The following POTEC variants were observed in gnomAD, a reference collection of about 807,000 sequenced individuals.
POTEC encodes the protein ANKRD26-like family B member 2.
In POTEC, 35 loss-of-function variants were observed where a neutral mutation model predicts 62.0. That is an observed-to-expected ratio of 0.56 (90% CI 0.43 to 0.75). The LOEUF is 0.75. POTEC is among the 30% of genes least tolerant of loss of function. POTEC has a pLI of 0.00. For synonymous variants in POTEC, 156 were observed against 221.5 expected (o/e 0.70, Z 2.62); for missense variants, 472 against 655.9 (o/e 0.72, Z 3.06).
intron 7 of POTEC, among the ~76,000 whole-genome samples, chr18:14,524,068 T>G (rs1397935722): frequency 1.3e-5 from 2 of 152,182 alleles, no homozygotes; most frequent in African/African-American, 4.8e-5. Context: ...TAATTGAAAT[T>G]ATATGCTGTA....
At chr18:14,514,472 T>A (rs922745625) in intron 9 of POTEC, among the ~76,000 whole-genome samples, 10 of 152,258 alleles carry the variant, frequency 6.6e-5, no homozygotes, top group African/African-American at 2.4e-4. Context: ...AAACTTTTTA[T>A]GTTTATTTTT....
Position 14,507,543 on chromosome 18 carries a change from T to C in POTEC, c.*4355A>G, listed in dbSNP as rs889905174. Reference sequence around the variant, plus strand: ...TTGGTTCTTTATCCAGCTTGCCCCCTGTGTCTTTCAATTGGAGCATTTAGC... The same window carrying C: ...TTGGTTCTTTATCCAGCTTGCCCCCCGTGTCTTTCAATTGGAGCATTTAGC... On this transcript the variant is annotated 3_prime_UTR_variant, in exon 11 of 11. Transcript: ENST00000358970. 6.9e-6 allele frequency: 1 copy of C among 145,824 alleles called. No homozygotes were observed. The highest frequency in any genetic ancestry group is 1.5e-5 in the Non-Finnish European group (1 of 67,994). 9.0% of individuals were successfully genotyped at this position (145,824 alleles called of 1,614,324 possible).
rs761030204 is a variant in POTEC, at chr18:14,511,933, C to T, written c.1594G>A (p.Glu532Lys). ...LLRENSMLQE[E>K]IAMLISGDWN ...TCTCCAGAAATTAGCATGGCAATTT[C>T]TTCCTGCAACATGCTGTTTTCACGC... Residue 532 changes from glutamate (E) to lysine (K), a missense_variant, in exon 11 of 11, where the codon GAA (glutamate) becomes AAA (lysine). Physicochemically the swap from Glu to Lys is moderately conservative, Grantham distance 56. Around this residue, in one of 5 missense-constraint regions of POTEC, gnomAD observed 67 missense variants for 58.3 expected, o/e 1.15. Transcript: ENST00000358970. 6.2e-7 allele frequency: 1 copy of T among 1,613,836 alleles called. No homozygotes were observed. Among genetic ancestry groups the T allele is most frequent in the Non-Finnish European group, 8.5e-7 (1 of 1,179,818 alleles).
In POTEC at chr18:14,517,677, C is replaced by T. The variant is rs868701550; in HGVS notation, c.1410-3892G>A. ...CAGAGTTCGAGACCAGCCTGACCAA[C>T]GGGGTGAAACCCCATCTTTATTAAA... is the stretch of plus-strand genomic sequence containing the variant. On this transcript the variant is annotated intron_variant, in intron 9 of 10. Coordinates refer to ENST00000358970, the MANE Select transcript of POTEC (RefSeq NM_001137671.2). Among the ~76,000 whole-genome samples, 17 of 152,234 alleles carry T rather than the reference C, an allele frequency of 1.1e-4. No homozygotes were observed. In the Middle Eastern group the frequency reaches 0.01, roughly 91 times the overall value.
chr18:14,536,647 G>A (rs2143160582), intron 3 of POTEC, among the ~76,000 whole-genome samples: 1 of 152,142 alleles, frequency 6.6e-6, no homozygotes, highest in Admixed American at 6.6e-5. Flanking sequence ...GAGGTAACTG[G>A]AATGCACAAC....
At position 14,508,828 on chromosome 18, in the gene POTEC, GC is replaced by G. The variant is rs1909914752; in HGVS notation, c.*3069del. 1 of 152,400 alleles carries G rather than the reference GC, an allele frequency of 6.6e-6. No individual in the cohort carries two copies. Among genetic ancestry groups the G allele is most frequent in the Admixed American group, 6.5e-5 (1 of 15,280 alleles). 9.4% of individuals were successfully genotyped at this position (152,400 alleles called of 1,614,324 possible). A position where few individuals can be genotyped will look rare whatever the true frequency, so the allele number is the denominator to read the frequency against. On this transcript the variant is annotated 3_prime_UTR_variant, in exon 11 of 11. Transcript: ENST00000358970. ...GAATTTTTGAGTTTTCAGTGTTCTTGCACAGAGTCTTTTTCTCATCTTTATG... is the reference window on the plus strand; with the variant it reads ...GAATTTTTGAGTTTTCAGTGTTCTTGACAGAGTCTTTTTCTCATCTTTATG...
intron 1 of POTEC, among the ~76,000 whole-genome samples, chr18:14,538,691 C>G (rs1905833436): frequency 6.6e-6 from 1 of 152,108 alleles, no homozygotes; most frequent in Non-Finnish European, 1.5e-5. Context: ...ACTAATACCA[C>G]TAAAGACAAC....
intron 5 of POTEC, among the ~76,000 whole-genome samples, chr18:14,531,191 T>C (rs535192523): frequency 2.0e-5 from 3 of 152,144 alleles, no homozygotes; most frequent in South Asian, 2.1e-4. Flanking sequence ...AACTGTGTCA[T>C]AGTTTGTAAC....
chr18:14,526,052 C>T (rs1179301146), intron 6 of POTEC, among the ~76,000 whole-genome samples: 2 of 152,006 alleles, frequency 1.3e-5, no homozygotes, highest in Non-Finnish European at 2.9e-5. Flanking sequence ...CAGGCACACA[C>T]CATCATGCCC....
Position 14,542,482 on chromosome 18 carries a change from C to T in POTEC, c.521+144G>A, listed in dbSNP as rs557261926. On this transcript the variant is annotated intron_variant, in intron 1 of 10. Coordinates refer to ENST00000358970, the MANE Select transcript of POTEC (RefSeq NM_001137671.2). ...TTGCTGTTTATAAAGGGACCTGGGC[C>T]CTGACCTCTCTGAGGTTTCCACACC... is the stretch of plus-strand genomic sequence containing the variant. 324 of 1,313,920 alleles carry T rather than the reference C, an allele frequency of 2.5e-4. 1 individual carries two copies. The African/African-American group carries it at 4.5e-3, about 18-fold the overall frequency. The allele number at this position is 1,313,920 out of a possible 1,614,324, so 81.4% of individuals were successfully genotyped here.
intron 1 of POTEC, among the ~76,000 whole-genome samples, chr18:14,541,153 T>A (rs1321673014): frequency 2.0e-5 from 3 of 152,172 alleles, no homozygotes; most frequent in Non-Finnish European, 4.4e-5. Context: ...CCTCCCAAAG[T>A]GCTGGGATTA....
At chr18:14,534,346 T>C (rs1282329545) in intron 4 of POTEC, among the ~76,000 whole-genome samples, 1 of 151,732 alleles carries the variant, frequency 6.6e-6, no homozygotes, top group Non-Finnish European at 1.5e-5. Flanking sequence ...CAAAATACAC[T>C]GGAAATAAAG....
At chr18:14,542,316 G>A (rs1333552212) in intron 1 of POTEC, among the ~76,000 whole-genome samples, 2 of 152,160 alleles carry the variant, frequency 1.3e-5, no homozygotes, top group African/African-American at 2.4e-5. Context: ...ATAGTGTATA[G>A]AACATTGTTT....
chr18:14,511,010 TG>T lies in POTEC; in HGVS notation c.*887del. 6.6e-6 allele frequency: 1 copy of T among 152,314 alleles called. No individual in the cohort carries two copies. Among genetic ancestry groups the T allele is most frequent in the African/African-American group, 2.4e-5 (1 of 41,550 alleles). The allele number at this position is 152,314 out of a possible 1,614,324, so 9.4% of individuals were successfully genotyped here. On this transcript the variant is annotated 3_prime_UTR_variant, in exon 11 of 11. Transcript: ENST00000358970. ...AGTGATTAGAAATGTGGTTGGGGAC[TG>T]GCTTAAACAAGAATCTGGCCACGTT...
chr18:14,518,143 C>A (rs2143118746), intron 9 of POTEC, among the ~76,000 whole-genome samples: 1 of 152,198 alleles, frequency 6.6e-6, no homozygotes, highest in Middle Eastern at 3.4e-3. Flanking sequence ...TCCATTCACT[C>A]ATTTAATAAG....
intron 9 of POTEC, among the ~76,000 whole-genome samples, chr18:14,521,785 A>C (rs1174683086): frequency 6.6e-6 from 1 of 152,196 alleles, no homozygotes; most frequent in Non-Finnish European, 1.5e-5. Flanking sequence ...CTTCTTACTC[A>C]TTAGTGGAAA....
At chr18:14,515,649 TAAAC>T (rs1158190650) in intron 9 of POTEC, among the ~76,000 whole-genome samples, 6 of 38,622 alleles carry the variant, frequency 1.6e-4, no homozygotes, top group African/African-American at 6.9e-4. Flanking sequence ...TAAAAATAAA[TAAAC>T]AAATAAATAA....
Position 14,537,199 on chromosome 18 carries a change from ACACACACAC to A in POTEC, c.810+593_810+601del, listed in dbSNP as rs1475639953. ...CACACACACACACACACACACACAC[ACACACACAC>A]ACAAAAAAAAAAAAAAACAAAAAAA... On this transcript the variant is annotated intron_variant, in intron 3 of 10. Coordinates refer to ENST00000358970, the MANE Select transcript of POTEC (RefSeq NM_001137671.2). 5.6e-5 allele frequency among the ~76,000 whole-genome samples: 5 copies of A among 88,842 alleles called. 1 individual carries two copies. The highest frequency in any genetic ancestry group is 5.0e-4 in the South Asian group (1 of 2,006). 58.3% of individuals were successfully genotyped at this position (88,842 alleles called of 152,430 possible). A position where few individuals can be genotyped will look rare whatever the true frequency, so the allele number is the denominator to read the frequency against.
At chr18:14,521,652 T>A (rs939760489) in intron 9 of POTEC, among the ~76,000 whole-genome samples, 4 of 152,176 alleles carry the variant, frequency 2.6e-5, no homozygotes, top group African/African-American at 9.7e-5. Context: ...AAAATGTATT[T>A]ACCAACAGTG....
Sources: gnomAD v4.1 joint callset for allele counts (sites outside exome capture counted in the v4.1 genomes callset) on GRCh38, gnomAD v4.1.1 for gene constraint, gnomAD v4.1.1 regional missense constraint, MANE v1.5 for transcripts, NCBI Gene and HGNC (gene_info 2026-07-23, HGNC 2026-07-21) for gene names.